The following FNIP1 variants were observed in gnomAD, a reference collection of about 807,000 sequenced individuals.
FNIP1 encodes folliculin-interacting protein 1.
FNIP1 carries 40 observed loss-of-function variants against 124.5 expected under a neutral mutation model. The observed-to-expected ratio is 0.32, with a 90% CI of 0.25 to 0.42. The LOEUF (loss-of-function observed/expected upper bound fraction) is 0.42, where lower values mean the gene tolerates loss of function less well. FNIP1 is among the 10% of genes least tolerant of loss of function. The pLI, the probability that FNIP1 is intolerant of heterozygous loss-of-function variation, is 1.00. For missense variants in FNIP1, 1,176 were observed against 1,403.7 expected, an observed-to-expected ratio of 0.84 and a Z score of 2.59; for synonymous variants, 472 against 470.6, an observed-to-expected ratio of 1.00 and a Z score of -0.04.
At chr5:131,737,541 G>A (rs764380902) in intron 2 of FNIP1, among the ~76,000 whole-genome samples, 34 of 152,046 alleles carry the variant, frequency 2.2e-4, no homozygotes, top group African/African-American at 9.7e-5. Flanking sequence ...CATAGTCTAA[G>A]CTTAAAATAT....
chr5:131,668,936 C>T (rs978045839), intron 15 of FNIP1, among the ~76,000 whole-genome samples: 5 of 152,280 alleles, frequency 3.3e-5, no homozygotes, highest in East Asian at 1.9e-4. Flanking sequence ...AGTGAAACCA[C>T]GAATGAACTT....
intron 15 of FNIP1, among the ~76,000 whole-genome samples, chr5:131,654,639 G>A (rs942508740): frequency 1.4e-4 from 21 of 152,214 alleles, no homozygotes; most frequent in Admixed American, 1.3e-3. Flanking sequence ...GGGAAGTAGA[G>A]GAGGGCAATC....
chr5:131,743,697 T>C (rs116634513), intron 2 of FNIP1, among the ~76,000 whole-genome samples: 513 of 152,216 alleles, frequency 3.4e-3, no homozygotes, highest in Middle Eastern at 6.8e-3. Context: ...GGTGTCCTTA[T>C]AAAAAGGACT....
chr5:131,777,018 G>A (rs1242777376), intron 1 of FNIP1, among the ~76,000 whole-genome samples: 1 of 152,094 alleles, frequency 6.6e-6, no homozygotes, highest in Non-Finnish European at 1.5e-5. Flanking sequence ...GATCGCTTGA[G>A]CTGAGGAGTT....
intron 15 of FNIP1, among the ~76,000 whole-genome samples, chr5:131,656,938 C>G (rs1767209339): frequency 6.6e-6 from 1 of 152,008 alleles, no homozygotes; most frequent in African/African-American, 2.4e-5. Flanking sequence ...AAGATAAACA[C>G]CAGCCCTGCT....
intron 5 of FNIP1, among the ~76,000 whole-genome samples, chr5:131,717,637 CTTCT>C (rs1207760594): frequency 6.6e-6 from 1 of 152,134 alleles, no homozygotes. Context: ...ACCTATATCA[CTTCT>C]TTTAGTGTCT....
chr5:131,711,396 G>A (rs1769287189), intron 6 of FNIP1, among the ~76,000 whole-genome samples: 1 of 152,192 alleles, frequency 6.6e-6, no homozygotes, highest in South Asian at 2.1e-4. Flanking sequence ...TGGGTTACCT[G>A]TTAGTTATGC....
chr5:131,751,688 C>G (rs1770877481), intron 1 of FNIP1, among the ~76,000 whole-genome samples: 1 of 151,890 alleles, frequency 6.6e-6, no homozygotes, highest in African/African-American at 2.4e-5. Context: ...AGTATTTGGC[C>G]ATAAAAAGAA....
intron 11 of FNIP1, among the ~76,000 whole-genome samples, chr5:131,681,663 G>GA (rs34306777): frequency 0.79 from 117,493 of 149,412 alleles, 46,203 homozygotes; most frequent in Middle Eastern, 0.83. Context: ...TTGCTGAAAT[G>GA]AAAAAAGCAT....
intron 11 of FNIP1, among the ~76,000 whole-genome samples, chr5:131,694,345 A>G (rs1020792244): frequency 6.6e-6 from 1 of 152,242 alleles, no homozygotes; most frequent in African/African-American, 2.4e-5. Context: ...ATGAAAATGA[A>G]TAAACAAACT....
intron 1 of FNIP1, among the ~76,000 whole-genome samples, chr5:131,746,240 G>A (rs1410733844): frequency 5.3e-5 from 8 of 152,144 alleles, no homozygotes; most frequent in African/African-American, 1.9e-4. Context: ...GCCAGGAGCT[G>A]TTTCTCATTA....
intron 15 of FNIP1, among the ~76,000 whole-genome samples, chr5:131,654,105 A>G (rs1360104617): frequency 1.3e-5 from 2 of 152,248 alleles, no homozygotes; most frequent in Admixed American, 1.3e-4. Flanking sequence ...ACAGTGAAAA[A>G]TAATATTTTG....
At chr5:131,749,828 C>A (rs1770809318) in intron 1 of FNIP1, among the ~76,000 whole-genome samples, 2 of 151,968 alleles carry the variant, frequency 1.3e-5, no homozygotes, top group South Asian at 4.1e-4. Context: ...GTTTGTACCC[C>A]AAGAGCAATA....
In FNIP1 at chr5:131,671,751, G is replaced by A. The variant is rs1457038961; in HGVS notation, c.2693C>T (p.Thr898Ile). ...IETVPQDSCK[T>I]CFPQQDQRDT... ...TCTTTGGTCCTGCTGAGGAAAGCAGGTTTTACATGAATCTTGGGGAACTGT... is the reference window on the plus strand; with the variant it reads ...TCTTTGGTCCTGCTGAGGAAAGCAGATTTTACATGAATCTTGGGGAACTGT... Residue 898 changes from threonine to isoleucine, a missense_variant, in exon 14 of 18, where the codon ACC (threonine) becomes ATC (isoleucine). Physicochemically the swap from Thr to Ile is moderately conservative, Grantham distance 89. Coordinates refer to ENST00000510461, the MANE Select transcript of FNIP1 (RefSeq NM_133372.3). 8 of 1,614,110 alleles carry A rather than the reference G, an allele frequency of 5.0e-6. No homozygotes were observed. In the South Asian group the frequency reaches 8.8e-5, roughly 18 times the overall value.
intron 10 of FNIP1, among the ~76,000 whole-genome samples, chr5:131,700,279 G>A (rs1256393114): frequency 6.6e-6 from 1 of 152,150 alleles, no homozygotes; most frequent in Non-Finnish European, 1.5e-5. Context: ...ACCATGCCTG[G>A]CCAATATTTG....
Position 131,682,138 on chromosome 5 carries a change from TATAA to T in FNIP1, c.1203-2967_1203-2964del, listed in dbSNP as rs200864184. Among the ~76,000 whole-genome samples, 722 of 152,206 alleles carry T rather than the reference TATAA, an allele frequency of 4.7e-3. 8 individuals are homozygous for T. Among genetic ancestry groups the T allele is most frequent in the African/African-American group, 0.016 (677 of 41,536 alleles). ...TACTTTTTGATTAAAAGAAACAATG[TATAA>T]ATAAATAAATAAATATGCTGATCAT... is the stretch of plus-strand genomic sequence containing the variant. On this transcript the variant is annotated intron_variant, in intron 11 of 17. Transcript: ENST00000510461.
intron 1 of FNIP1, among the ~76,000 whole-genome samples, chr5:131,792,420 C>T (rs1772439201): frequency 6.6e-6 from 1 of 152,138 alleles, no homozygotes; most frequent in African/African-American, 2.4e-5. Context: ...CTCGGCCTCC[C>T]AAAGTGCTGG....
intron 1 of FNIP1, among the ~76,000 whole-genome samples, chr5:131,779,113 A>T (rs1338530341): frequency 3.4e-5 from 5 of 147,968 alleles, no homozygotes; most frequent in Non-Finnish European, 7.5e-5. Context: ...AACCTGCACA[A>T]TGTGCACATG....
At chr5:131,656,005 G>A (rs1767182509) in intron 15 of FNIP1, among the ~76,000 whole-genome samples, 2 of 152,088 alleles carry the variant, frequency 1.3e-5, no homozygotes, top group South Asian at 4.2e-4. Context: ...CCAGGTGTTT[G>A]AGGCTGCAGT....
Sources: gnomAD v4.1 joint callset for allele counts (sites outside exome capture counted in the v4.1 genomes callset) on GRCh38, gnomAD v4.1.1 for gene constraint, MANE v1.5 for transcripts, NCBI Gene and HGNC (gene_info 2026-07-23, HGNC 2026-07-21) for gene names.